FUT9: variants seen among roughly 807,000 people sequenced by gnomAD.
The protein encoded by FUT9 is 4-galactosyl-N-acetylglucosaminide 3-alpha-L-fucosyltransferase 9.
Under a neutral mutation model 29.7 loss-of-function variants are expected in FUT9, and 15 were observed. The observed-to-expected ratio is 0.51, with a 90% confidence interval of 0.34 to 0.78. FUT9 has a LOEUF of 0.78. Among genes scored for constraint, FUT9 ranks in the 30% least tolerant of loss-of-function variants. FUT9 has a pLI of 0.01. For synonymous variants in FUT9, 169 were observed against 153.7 expected (o/e 1.10, Z -0.74); for missense variants, 319 against 425.4 (o/e 0.75, Z 2.20).
intron 2 of FUT9, among the ~76,000 whole-genome samples, chr6:96,179,012 A>G (rs1773256091): frequency 6.6e-6 from 1 of 152,104 alleles, no homozygotes; most frequent in African/African-American, 2.4e-5. Context: ...TGGGATTTCG[A>G]AAGAATCTGG....
At chr6:96,092,737 C>G (rs1439243408) in intron 1 of FUT9, among the ~76,000 whole-genome samples, 68 of 152,002 alleles carry the variant, frequency 4.5e-4, no homozygotes, top group Non-Finnish European at 4.4e-5. Flanking sequence ...AGGTCAAATT[C>G]CGTCATTTTT....
At chr6:96,196,983 TG>T in intron 2 of FUT9, among the ~76,000 whole-genome samples, 1 of 152,088 alleles carries the variant, frequency 6.6e-6, no homozygotes, top group East Asian at 1.9e-4. Flanking sequence ...ATGACTGCCT[TG>T]GGAAAGAGGG....
intron 2 of FUT9, among the ~76,000 whole-genome samples, chr6:96,187,747 TG>T (rs1773430158): frequency 6.6e-6 from 1 of 152,180 alleles, no homozygotes; most frequent in Non-Finnish European, 1.5e-5. Flanking sequence ...TATCAACTGA[TG>T]GTGTTGTGTG....
rs187464834 is a variant in FUT9 at position 96,116,576 on chromosome 6, T to C, written c.-9+2449T>C. ...AAATGAATGAACAGACTGTGGTAAA[T>C]CTATAAAGGGGAATACTATTCAAAT... On this transcript the variant is annotated intron_variant, in intron 2 of 2. Transcript: ENST00000302103. Among the ~76,000 whole-genome samples, 24 of 152,308 alleles carry C rather than the reference T, an allele frequency of 1.6e-4. No homozygotes were observed. In the East Asian group the frequency reaches 2.7e-3, roughly 17 times the overall value.
intron 2 of FUT9, among the ~76,000 whole-genome samples, chr6:96,198,800 G>A (rs1773676666): frequency 6.6e-6 from 1 of 152,034 alleles, no homozygotes. Context: ...ACTTTTTAAT[G>A]ATTGCCATTC....
At chr6:96,190,806 A>T (rs1773493376) in intron 2 of FUT9, among the ~76,000 whole-genome samples, 1 of 152,014 alleles carries the variant, frequency 6.6e-6, no homozygotes, top group South Asian at 2.1e-4. Flanking sequence ...TTAGCCATTC[A>T]TTTAATCTTT....
At chr6:96,185,724 G>C (rs4594954) in intron 2 of FUT9, among the ~76,000 whole-genome samples, 138,668 of 152,134 alleles carry the variant, frequency 0.91, 64,576 homozygotes, top group Non-Finnish European at 1. Context: ...AAAAAAGCAA[G>C]AATGTTCTCT....
chr6:96,089,140 G>C (rs1251072329), intron 1 of FUT9, among the ~76,000 whole-genome samples: 1 of 152,050 alleles, frequency 6.6e-6, no homozygotes. Flanking sequence ...AGATCTGAAG[G>C]GTTGCTCCTT....
At chr6:96,182,344 G>A (rs187092357) in intron 2 of FUT9, among the ~76,000 whole-genome samples, 151 of 152,128 alleles carry the variant, frequency 9.9e-4, no homozygotes, top group African/African-American at 3.4e-3. Flanking sequence ...TGTATAGATT[G>A]TGAAGATGTT....
At chr6:96,157,525 T>C (rs1014228128) in intron 2 of FUT9, among the ~76,000 whole-genome samples, 1 of 152,118 alleles carries the variant, frequency 6.6e-6, no homozygotes, top group Admixed American at 6.5e-5. Flanking sequence ...ATAAAGAAAG[T>C]TCCAGTTTAG....
intron 2 of FUT9, among the ~76,000 whole-genome samples, chr6:96,145,806 G>T (rs188575206): frequency 6.6e-5 from 10 of 152,252 alleles, no homozygotes; most frequent in Non-Finnish European, 1.0e-4. Flanking sequence ...GGCCTTCACA[G>T]GTTGTAGGTC....
intron 1 of FUT9, among the ~76,000 whole-genome samples, chr6:96,062,131 T>C (rs1446877152): frequency 6.6e-6 from 1 of 152,108 alleles, no homozygotes; most frequent in African/African-American, 2.4e-5. Flanking sequence ...ATGGCACGTA[T>C]ATACCTATGT....
intron 1 of FUT9, among the ~76,000 whole-genome samples, chr6:96,070,498 C>A (rs183501004): frequency 2.5e-4 from 38 of 152,046 alleles, no homozygotes; most frequent in African/African-American, 8.7e-4. Flanking sequence ...CCAGCCTGGG[C>A]AACACGGGGA....
chr6:96,103,608 T>C (rs1037465080), intron 1 of FUT9, among the ~76,000 whole-genome samples: 1 of 152,138 alleles, frequency 6.6e-6, no homozygotes, highest in South Asian at 2.1e-4. Flanking sequence ...TGCTAGCAAG[T>C]TTCTTGGTTT....
chr6:96,028,152 A>G (rs6926151), intron 1 of FUT9, among the ~76,000 whole-genome samples: 10,358 of 151,656 alleles, frequency 0.068, 421 homozygotes, highest in Admixed American at 0.12. Context: ...AGAAAAACAA[A>G]GAAATTCTGT....
rs985458560 is a variant in FUT9 at position 96,206,898 on chromosome 6, A to G, written c.*2663A>G. On this transcript the variant is annotated 3_prime_UTR_variant, in exon 3 of 3. Transcript: ENST00000302103. ...AAAGGCAGTGTCTCTATTGTTGACT[A>G]CAAATGTAGGCTCTTTGTTGGACTA... 1.2e-5 allele frequency: 2 copies of G among 167,094 alleles called. No homozygotes were observed. Among genetic ancestry groups the G allele is most frequent in the African/African-American group, 2.4e-5 (1 of 41,454 alleles). The allele number at this position is 167,094 out of a possible 1,614,324, so 10.4% of individuals were successfully genotyped here.
chr6:96,160,511 G>A (rs1772877120), intron 2 of FUT9, among the ~76,000 whole-genome samples: 1 of 152,114 alleles, frequency 6.6e-6, no homozygotes, highest in Non-Finnish European at 1.5e-5. Flanking sequence ...TAATATGCAT[G>A]AACGCTTTTT....
intron 1 of FUT9, among the ~76,000 whole-genome samples, chr6:96,109,351 A>G (rs890092924): frequency 6.6e-6 from 1 of 152,132 alleles, no homozygotes; most frequent in Non-Finnish European, 1.5e-5. Flanking sequence ...TGTTTTTCTT[A>G]ATCATTTGCA....
chr6:96,118,492 T>C (rs750858826), intron 2 of FUT9, among the ~76,000 whole-genome samples: 3 of 152,200 alleles, frequency 2.0e-5, no homozygotes, highest in Non-Finnish European at 4.4e-5. Context: ...TTTGTGATGA[T>C]GCTGGTGTAA....
Sources: gnomAD v4.1 joint callset for allele counts (sites outside exome capture counted in the v4.1 genomes callset) on GRCh38, gnomAD v4.1.1 for gene constraint, MANE v1.5 for transcripts, NCBI Gene and HGNC (gene_info 2026-07-23, HGNC 2026-07-21) for gene names.